The following ARHGAP6 variants were observed in gnomAD, a reference collection of about 807,000 sequenced individuals.
ARHGAP6 encodes the protein Rho GTPase activating protein 6, also known as rho GTPase-activating protein 6.
Under a neutral mutation model 55.7 loss-of-function variants are expected in ARHGAP6, and 16 were observed. The ratio of observed to expected loss-of-function variants is 0.29; its 90% confidence interval spans 0.19 to 0.44. The LOEUF (loss-of-function observed/expected upper bound fraction) is 0.44. ARHGAP6 is among the 20% of genes least tolerant of loss of function. The pLI, the probability that ARHGAP6 is intolerant of heterozygous loss-of-function variation, is 1.00. For synonymous variants in ARHGAP6, 382 were observed against 360.9 expected, an observed-to-expected ratio of 1.06 and a Z score of -0.66; for missense variants, 698 against 808.9, an observed-to-expected ratio of 0.86 and a Z score of 1.66.
At chrX:11,485,125 A>G in intron 1 of ARHGAP6, among the ~76,000 whole-genome samples, 1 of 112,600 alleles carries the variant, frequency 8.9e-6, no homozygotes, top group Non-Finnish European at 1.9e-5. Context: ...ATTAAGTAAA[A>G]GAAAACAAAA....
chrX:11,139,099 T>A lies in ARHGAP6; in HGVS notation c.2689A>T (p.Ile897Phe). Residue 897 changes from isoleucine to phenylalanine, a missense_variant, in exon 13 of 13, where the codon ATC (isoleucine) becomes TTC (phenylalanine). This residue lies in a region of ARHGAP6 where 212 missense variants were observed against 208.7 expected (regional missense o/e 1.02). Coordinates refer to ENST00000337414, the MANE Select transcript of ARHGAP6 (RefSeq NM_013427.3). ...TCCACGCCTTCCGGGGGCCCCTGGATCCAGGCTGCCGCTGCCGCGGGCTTC... is the reference window on the plus strand; with the variant it reads ...TCCACGCCTTCCGGGGGCCCCTGGAACCAGGCTGCCGCTGCCGCGGGCTTC... ...PGKPAAAAAWIQGPPEGVETP... is the reference protein window; with the variant it reads ...PGKPAAAAAWFQGPPEGVETP... The A allele has an allele frequency of 5.0e-6, 6 of 1,202,684 alleles. No homozygotes were observed. The highest frequency in any genetic ancestry group is 6.7e-6 in the Non-Finnish European group (6 of 891,735).
chrX:11,397,337 A>C (rs1342387670), intron 1 of ARHGAP6, among the ~76,000 whole-genome samples: 1 of 111,665 alleles, frequency 9.0e-6, no homozygotes, highest in Non-Finnish European at 1.9e-5. Flanking sequence ...AAGACATGGA[A>C]GCACATGGGA....
intron 2 of ARHGAP6, among the ~76,000 whole-genome samples, chrX:11,199,643 A>G (rs1173538653): frequency 8.9e-6 from 1 of 112,556 alleles, no homozygotes; most frequent in African/African-American, 3.2e-5. Context: ...ATAATCTCAC[A>G]AGGATAATAT....
intron 1 of ARHGAP6, among the ~76,000 whole-genome samples, chrX:11,418,450 G>GA (rs1357957961): frequency 1.8e-5 from 2 of 110,886 alleles, no homozygotes; most frequent in Non-Finnish European, 3.8e-5. Context: ...CCATCAACCA[G>GA]AAAAAAAGCC....
At chrX:11,290,709 C>T (rs899548847) in intron 1 of ARHGAP6, among the ~76,000 whole-genome samples, 2 of 111,213 alleles carry the variant, frequency 1.8e-5, no homozygotes, top group Non-Finnish European at 3.8e-5. Context: ...ACTCATAATA[C>T]CTGACTTATC....
At chrX:11,244,419 A>G (rs2047326497) in intron 2 of ARHGAP6, among the ~76,000 whole-genome samples, 1 of 111,706 alleles carries the variant, frequency 9.0e-6, no homozygotes, top group Non-Finnish European at 1.9e-5. Context: ...GCCCACATCT[A>G]TCTTAAGTGA....
chrX:11,304,176 G>A (rs776295737), intron 1 of ARHGAP6, among the ~76,000 whole-genome samples: 6 of 109,671 alleles, frequency 5.5e-5, no homozygotes, highest in African/African-American at 1.0e-4. Flanking sequence ...TGCAACTTCC[G>A]CCTCCTGGGT....
chrX:11,476,456 C>A (rs1206611969), intron 1 of ARHGAP6, among the ~76,000 whole-genome samples: 1 of 111,664 alleles, frequency 9.0e-6, no homozygotes, highest in Non-Finnish European at 1.9e-5. Flanking sequence ...ATCATCAGTT[C>A]TTGCAGACAT....
chrX:11,614,432 T>C (rs1436988676), intron 1 of ARHGAP6, among the ~76,000 whole-genome samples: 2 of 111,569 alleles, frequency 1.8e-5, no homozygotes, highest in African/African-American at 6.5e-5. Context: ...ACGTTCTACA[T>C]GGCTAGAGCA....
At chrX:11,541,724 A>C in intron 1 of ARHGAP6, among the ~76,000 whole-genome samples, 1 of 112,173 alleles carries the variant, frequency 8.9e-6, no homozygotes, top group Non-Finnish European at 1.9e-5. Flanking sequence ...TAAATGTGAA[A>C]TCCTAGAGCC....
At chrX:11,370,329 T>C (rs764408004) in intron 1 of ARHGAP6, among the ~76,000 whole-genome samples, 2 of 112,460 alleles carry the variant, frequency 1.8e-5, no homozygotes, top group Admixed American at 9.4e-5. Flanking sequence ...TGGAAAGTGA[T>C]AGGACTGAAA....
intron 1 of ARHGAP6, among the ~76,000 whole-genome samples, chrX:11,295,412 C>T (rs1041912150): frequency 1.8e-5 from 2 of 110,976 alleles, no homozygotes; most frequent in East Asian, 5.6e-4. Context: ...TGTGGTTGCC[C>T]GGGATCCTGC....
intron 1 of ARHGAP6, among the ~76,000 whole-genome samples, chrX:11,433,341 G>A (rs921300785): frequency 1.8e-5 from 2 of 111,914 alleles, no homozygotes; most frequent in Non-Finnish European, 3.8e-5. Flanking sequence ...GGTTCTATTT[G>A]GTATTATTGG....
At chrX:11,333,872 G>A (rs1212052535) in intron 1 of ARHGAP6, among the ~76,000 whole-genome samples, 5 of 111,880 alleles carry the variant, frequency 4.5e-5, no homozygotes, top group Admixed American at 1.9e-4. Flanking sequence ...CCCTGACACC[G>A]TAAGATGCTT....
intron 1 of ARHGAP6, among the ~76,000 whole-genome samples, chrX:11,400,702 C>T (rs1337238546): frequency 9.0e-6 from 1 of 111,448 alleles, no homozygotes; most frequent in Non-Finnish European, 1.9e-5. Context: ...TCCTATCTTT[C>T]ATCCAGAAAT....
intron 1 of ARHGAP6, among the ~76,000 whole-genome samples, chrX:11,357,827 C>G (rs1037366654): frequency 8.9e-6 from 1 of 112,054 alleles, no homozygotes; most frequent in East Asian, 2.8e-4. Context: ...AAAGCTAGAA[C>G]TACTAGTCAG....
At chrX:11,646,171 C>T (rs1165803771) in intron 1 of ARHGAP6, among the ~76,000 whole-genome samples, 1 of 111,540 alleles carries the variant, frequency 9.0e-6, no homozygotes, top group African/African-American at 3.3e-5. Flanking sequence ...CTCTTGAAAA[C>T]TCACTCGCTA....
At chrX:11,376,222 C>G (rs955770718) in intron 1 of ARHGAP6, among the ~76,000 whole-genome samples, 1 of 112,318 alleles carries the variant, frequency 8.9e-6, no homozygotes, top group Non-Finnish European at 1.9e-5. Context: ...ACACCCATCC[C>G]TGGAACCTGT....
At chrX:11,590,869 G>GAAAAGAAAA (rs2051813205) in intron 1 of ARHGAP6, among the ~76,000 whole-genome samples, 2 of 24,218 alleles carry the variant, frequency 8.3e-5, no homozygotes, top group Non-Finnish European at 1.3e-4. Flanking sequence ...AAGAAAAGAA[G>GAAAAGAAAA]GAAAGAAAGA....
Sources: allele counts gnomAD v4.1 joint callset (sites outside exome capture counted in the v4.1 genomes callset), GRCh38; gene constraint gnomAD v4.1.1; regional missense constraint gnomAD v4.1.1; transcripts MANE v1.5; gene names NCBI Gene and HGNC (gene_info 2026-07-23, HGNC 2026-07-21).